The following FASTKD1 variants were observed in gnomAD, a reference collection of about 807,000 sequenced individuals.
FASTKD1 encodes the protein FAST kinase domain-containing protein 1, mitochondrial.
A neutral mutation model predicts 90.9 loss-of-function variants in FASTKD1; 94 were observed. That is an observed-to-expected ratio of 1.03 (90% CI 0.88 to 1.23). The LOEUF is 1.23. Ranked by LOEUF, FASTKD1 falls within the 50% of genes most tolerant of loss-of-function variation. The pLI is 0.00. For missense variants in FASTKD1, 945 were observed against 993.5 expected (o/e 0.95, Z 0.66); for synonymous variants, 319 against 345.8 (o/e 0.92, Z 0.86).
intron 14 of FASTKD1, among the ~76,000 whole-genome samples, chr2:169,530,153 A>T (rs1684416032): frequency 6.6e-6 from 1 of 152,118 alleles, no homozygotes. Context: ...CCAATGATGG[A>T]CATTTTTTCC....
intron 7 of FASTKD1, among the ~76,000 whole-genome samples, chr2:169,551,247 A>T (rs1685476447): frequency 6.6e-6 from 1 of 152,190 alleles, no homozygotes; most frequent in South Asian, 2.1e-4. Context: ...GAAGATGAGG[A>T]CATGCATACC....
rs867743958 is a variant in FASTKD1, at chr2:169,562,031, A to G, written c.572+1194T>C. Among the ~76,000 whole-genome samples, 761 of 115,088 alleles carry G rather than the reference A, an allele frequency of 6.6e-3. 118 individuals carry two copies. Among genetic ancestry groups the G allele is most frequent in the Admixed American group, 8.6e-3 (86 of 9,988 alleles). 75.5% of individuals were successfully genotyped at this position (115,088 alleles called of 152,430 possible). The stretch of plus-strand genomic sequence containing the variant: ...TTAATTTATTGTAAATTAATTATTT[A>G]TTAATTTATTGTAAATTAATTATTT... On this transcript the variant is annotated intron_variant, in intron 4 of 14. Transcript: ENST00000453153.
chr2:169,566,766 T>C (rs1444746894), intron 3 of FASTKD1, among the ~76,000 whole-genome samples: 2 of 152,164 alleles, frequency 1.3e-5, no homozygotes, highest in African/African-American at 4.8e-5. Flanking sequence ...CTTGCCATGA[T>C]TCATCATATA....
intron 7 of FASTKD1, among the ~76,000 whole-genome samples, chr2:169,552,510 G>A (rs561622456): frequency 1.3e-5 from 2 of 152,160 alleles, no homozygotes; most frequent in African/African-American, 2.4e-5. Context: ...AGAAAATGTG[G>A]TAAATATACA....
At chr2:169,551,033 G>A (rs1442392498) in intron 7 of FASTKD1, among the ~76,000 whole-genome samples, 1 of 152,026 alleles carries the variant, frequency 6.6e-6, no homozygotes, top group Non-Finnish European at 1.5e-5. Flanking sequence ...TTAGATATTT[G>A]CGTATATTTA....
intron 9 of FASTKD1, among the ~76,000 whole-genome samples, chr2:169,540,981 A>C (rs1190681347): frequency 6.6e-6 from 1 of 152,230 alleles, no homozygotes. Flanking sequence ...AATGTGGCGG[A>C]AAGGGTCACC....
At chr2:169,563,435 T>A in intron 3 of FASTKD1, 85 bp from the exon 4 acceptor site, 1 of 983,976 alleles carries the variant, frequency 1.0e-6, no homozygotes. Flanking sequence ...TTAAAAGCAA[T>A]CAAAATAGTA....
intron 9 of FASTKD1, among the ~76,000 whole-genome samples, chr2:169,543,706 G>A (rs963346959): frequency 1.3e-5 from 2 of 152,016 alleles, no homozygotes; most frequent in African/African-American, 2.4e-5. Context: ...ACTCAATCAC[G>A]ACTGTGGGGC....
At chr2:169,538,744 T>C (rs1684840251) in intron 10 of FASTKD1, among the ~76,000 whole-genome samples, 1 of 151,916 alleles carries the variant, frequency 6.6e-6, no homozygotes, top group Non-Finnish European at 1.5e-5. Flanking sequence ...CTTAGGATTT[T>C]ATCCTAAGGA....
intron 12 of FASTKD1, 96 bp from the exon 13 acceptor site, chr2:169,531,586 T>A (rs1684495790): frequency 2.2e-6 from 2 of 913,328 alleles, no homozygotes; most frequent in African/African-American, 3.4e-5. Context: ...ATAATATTTG[T>A]ACACACACAC....
intron 5 of FASTKD1, among the ~76,000 whole-genome samples, chr2:169,559,552 G>T (rs112422675): frequency 1.7e-3 from 264 of 152,236 alleles, no homozygotes; most frequent in African/African-American, 5.5e-3. Flanking sequence ...TGAGTAGCTG[G>T]GAATCTAGGT....
rs1559141175 is a variant in FASTKD1, at chr2:169,540,050, C to T, written c.1945+1G>A. ...AAATAAATTAAAAGATAGATACATA[C>T]TTTCAAGTTGAGAATCCAATCTAGC... is the stretch of plus-strand genomic sequence containing the variant. On this transcript the variant is annotated splice_donor_variant, in intron 10 of 14. Coordinates refer to ENST00000453153, the MANE Select transcript of FASTKD1 (RefSeq NM_024622.6). LOFTEE classifies it high-confidence loss of function. The T allele has an allele frequency of 1.3e-6, 2 of 1,552,896 alleles. No individual in the cohort carries two copies. The highest frequency in any genetic ancestry group is 2.3e-5 in the East Asian group (1 of 44,318).
rs1257350587 is a variant in FASTKD1 at position 169,546,357 on chromosome 2, A to G, written c.1562T>C (p.Ile521Thr). ...ATCCATGAAATGCTGTAAAGTAGCA[A>G]TCATTTCTTCAAGAAGTGACTCAGG... ...TFPESLLEEM[I>T]ATLQHFMDDI... The change falls in exon 8 of 15, where the codon ATT becomes ACT. Residue 521 changes from isoleucine (I) to threonine (T), a missense_variant. Coordinates refer to ENST00000453153, the MANE Select transcript of FASTKD1 (RefSeq NM_024622.6). 1 of 1,614,136 alleles carries G rather than the reference A, an allele frequency of 6.2e-7. No individual in the cohort carries two copies. The highest frequency in any genetic ancestry group is 8.5e-7 in the Non-Finnish European group (1 of 1,180,010).
At chr2:169,561,928 TTTG>T (rs1172401623) in intron 4 of FASTKD1, among the ~76,000 whole-genome samples, 3 of 141,064 alleles carry the variant, frequency 2.1e-5, no homozygotes, top group Non-Finnish European at 3.0e-5. Flanking sequence ...AAATCAATTA[TTTG>T]TTAATTTATT....
chr2:169,572,149 A>G lies in FASTKD1; in HGVS notation c.-120T>C. 1.7e-6 allele frequency: 2 copies of G among 1,190,682 alleles called. No homozygotes were observed. The highest frequency in any genetic ancestry group is 2.3e-6 in the Non-Finnish European group (2 of 873,580). The allele number at this position is 1,190,682 out of a possible 1,614,324, so 73.8% of individuals were successfully genotyped here. On this transcript the variant is annotated 5_prime_UTR_variant, in exon 2 of 15. Coordinates refer to ENST00000453153, the MANE Select transcript of FASTKD1 (RefSeq NM_024622.6). ...ATTTTGCTTCCATTACAATGACTGT[A>G]AACGCATTCCAATGTACAGCTTCTA...
At position 169,552,407 on chromosome 2, in the gene FASTKD1, T is replaced by A. The variant is rs186937891; in HGVS notation, c.1214+2717A>T. ...TCAGTACTGAATAATTTAATTTTTT[T>A]AAAAAACACTGCAATGTATGTTTAC... On this transcript the variant is annotated intron_variant, in intron 7 of 14. Coordinates refer to ENST00000453153, the MANE Select transcript of FASTKD1 (RefSeq NM_024622.6). Among the ~76,000 whole-genome samples the A allele has an allele frequency of 3.6e-4, 55 of 152,240 alleles. 1 individual carries two copies. The East Asian group carries it at 0.011, about 29-fold the overall frequency.
At chr2:169,560,194 C>A in intron 5 of FASTKD1, 193 bp downstream of exon 5, 1 of 365,314 alleles carries the variant, frequency 2.7e-6, no homozygotes. Flanking sequence ...CAGAACACAG[C>A]AACAGACTAA....
intron 7 of FASTKD1, among the ~76,000 whole-genome samples, chr2:169,547,948 T>A (rs1359638384): frequency 1.2e-4 from 6 of 48,902 alleles, no homozygotes; most frequent in African/African-American, 2.2e-4. Context: ...GACAGGTCCA[T>A]AAAGGATTAT....
intron 8 of FASTKD1, 79 bp downstream of exon 8, chr2:169,546,139 C>T (rs1685179925): frequency 2.1e-6 from 3 of 1,403,530 alleles, no homozygotes. Context: ...AATCCAAGTT[C>T]TCAAAGTGCC....
Sources: allele counts gnomAD v4.1 joint callset (sites outside exome capture counted in the v4.1 genomes callset), GRCh38; gene constraint gnomAD v4.1.1; transcripts MANE v1.5; gene names NCBI Gene and HGNC (gene_info 2026-07-23, HGNC 2026-07-21).